The following SGCD variants were observed in gnomAD, a reference collection of about 807,000 sequenced individuals.
SGCD encodes delta-sarcoglycan.
SGCD carries 18 observed loss-of-function variants against 36.6 expected under a neutral mutation model. That is an observed-to-expected ratio of 0.49 (90% CI 0.34 to 0.73). The LOEUF (loss-of-function observed/expected upper bound fraction) is 0.73, where lower values mean the gene tolerates loss of function less well. SGCD is among the 30% of genes least tolerant of loss of function. SGCD has a pLI of 0.01. For synonymous variants in SGCD, 133 were observed against 130.6 expected (o/e 1.02, Z -0.12); for missense variants, 387 against 346.7 (o/e 1.12, Z -0.92).
chr5:155,820,737 C>T, the SGCD span, among the ~76,000 whole-genome samples: 16 of 152,024 alleles, frequency 1.1e-4, no homozygotes, highest in Admixed American at 2.6e-4. Flanking sequence ...TATGTGACTG[C>T]GCTTTGTGAC....
intron 1 of SGCD, among the ~76,000 whole-genome samples, chr5:156,063,415 G>A (rs372086507): frequency 5.2e-5 from 5 of 95,492 alleles, no homozygotes; most frequent in Non-Finnish European, 1.0e-4. Flanking sequence ...TTGGCAATGC[G>A]GGCTCTTTTT....
chr5:156,116,632 A>G (rs1449369131), intron 1 of SGCD, among the ~76,000 whole-genome samples: 1 of 152,146 alleles, frequency 6.6e-6, no homozygotes, highest in Non-Finnish European at 1.5e-5. Context: ...AAAGTGTAAC[A>G]CAGTGATTGG....
At chr5:156,417,300 AGG>A (rs1554101549) in intron 3 of SGCD, among the ~76,000 whole-genome samples, 1 of 152,204 alleles carries the variant, frequency 6.6e-6, no homozygotes, top group Non-Finnish European at 1.5e-5. Flanking sequence ...TCAAGCAATA[AGG>A]CTGTTGCATA....
At chr5:156,116,370 A>C (rs568135135) in intron 1 of SGCD, among the ~76,000 whole-genome samples, 1 of 152,142 alleles carries the variant, frequency 6.6e-6, no homozygotes, top group Non-Finnish European at 1.5e-5. Flanking sequence ...CCAAGCTCAC[A>C]GACTATGCAC....
intron 3 of SGCD, among the ~76,000 whole-genome samples, chr5:156,309,312 T>G (rs560150229): frequency 3.3e-5 from 5 of 152,272 alleles, no homozygotes; most frequent in Admixed American, 1.3e-4. Flanking sequence ...TCCCTTAGGT[T>G]CTGTTGACAT....
At chr5:156,059,745 A>G (rs1447967077) in intron 1 of SGCD, among the ~76,000 whole-genome samples, 1 of 147,054 alleles carries the variant, frequency 6.8e-6, no homozygotes, top group East Asian at 1.9e-4. Context: ...TTGGTAGTAT[A>G]GTACCTGGAA....
chr5:156,687,725 A>C (rs1321674103), intron 7 of SGCD, among the ~76,000 whole-genome samples: 1 of 152,172 alleles, frequency 6.6e-6, no homozygotes, highest in Non-Finnish European at 1.5e-5. Context: ...AGCTGTGCTG[A>C]TATGAACCCA....
At chr5:156,306,409 T>C (rs1168955072) in intron 3 of SGCD, among the ~76,000 whole-genome samples, 2 of 152,228 alleles carry the variant, frequency 1.3e-5, no homozygotes, top group Non-Finnish European at 1.5e-5. Context: ...CCTTCTGCTG[T>C]GATTGTGGGG....
chr5:155,946,889 T>C (rs1465151293), intron 1 of SGCD, among the ~76,000 whole-genome samples: 1 of 152,196 alleles, frequency 6.6e-6, no homozygotes, highest in Non-Finnish European at 1.5e-5. Flanking sequence ...GTATGGACTC[T>C]GAGAATATTG....
intron 1 of SGCD, among the ~76,000 whole-genome samples, chr5:156,112,801 C>T (rs1038091371): frequency 6.6e-6 from 1 of 152,158 alleles, no homozygotes; most frequent in Non-Finnish European, 1.5e-5. Flanking sequence ...TGACAGCTTT[C>T]CCCTCCATAC....
chr5:155,943,525 G>A (rs1458794076), intron 1 of SGCD, among the ~76,000 whole-genome samples: 1 of 152,018 alleles, frequency 6.6e-6, no homozygotes, highest in African/African-American at 2.4e-5. Context: ...TGTTATCAAT[G>A]GACTGTAATA....
At chr5:156,611,725 G>A (rs558018480) in intron 6 of SGCD, among the ~76,000 whole-genome samples, 6 of 152,188 alleles carry the variant, frequency 3.9e-5, no homozygotes, top group South Asian at 4.1e-4. Flanking sequence ...GCAAACATTC[G>A]TTAACTTAAT....
intron 3 of SGCD, among the ~76,000 whole-genome samples, chr5:156,276,696 C>T (rs191916454): frequency 2.2e-3 from 334 of 152,224 alleles, no homozygotes; most frequent in Non-Finnish European, 3.4e-3. Flanking sequence ...GAAACATGGT[C>T]TCTGCATTCA....
intron 6 of SGCD, among the ~76,000 whole-genome samples, chr5:156,605,669 T>C (rs906311107): frequency 4.6e-5 from 7 of 152,200 alleles, no homozygotes; most frequent in Non-Finnish European, 8.8e-5. Flanking sequence ...CCACCAACAG[T>C]GTAAAAGTGT....
chr5:156,508,394 T>A (rs1408305595), intron 3 of SGCD, among the ~76,000 whole-genome samples: 2 of 152,170 alleles, frequency 1.3e-5, no homozygotes, highest in African/African-American at 2.4e-5. Flanking sequence ...GGAATAGAAT[T>A]TTCTCAGAAA....
At position 156,759,453 on chromosome 5, in the gene SGCD, T is replaced by C; in HGVS notation, c.*63T>C. 1 of 1,173,132 alleles carries C rather than the reference T, an allele frequency of 8.5e-7. No individual in the cohort carries two copies. The highest frequency in any genetic ancestry group is 1.2e-6 in the Non-Finnish European group (1 of 826,442). The allele number at this position is 1,173,132 out of a possible 1,614,324, so 72.7% of individuals were successfully genotyped here. On this transcript the variant is annotated 3_prime_UTR_variant, in exon 9 of 9. Coordinates refer to ENST00000337851, the MANE Select transcript of SGCD (RefSeq NM_000337.6). ...GCCTTTTTTGGCTTTAGACACTGGCTGCCAGCTATTTTTACTAGAACACAG... is the reference window on the plus strand; with the variant it reads ...GCCTTTTTTGGCTTTAGACACTGGCCGCCAGCTATTTTTACTAGAACACAG...
intron 7 of SGCD, among the ~76,000 whole-genome samples, chr5:156,693,739 C>T (rs1468749260): frequency 2.0e-5 from 3 of 152,112 alleles, no homozygotes; most frequent in African/African-American, 7.2e-5. Flanking sequence ...TAGATTGTAT[C>T]ACAAATTGCA....
intron 3 of SGCD, among the ~76,000 whole-genome samples, chr5:156,287,000 A>T (rs144178753): frequency 6.6e-6 from 1 of 152,238 alleles, no homozygotes; most frequent in African/African-American, 2.4e-5. Flanking sequence ...TGTGAATAAG[A>T]GAGACAAAAA....
chr5:156,501,914 T>G (rs759481716), intron 3 of SGCD, among the ~76,000 whole-genome samples: 3 of 152,198 alleles, frequency 2.0e-5, no homozygotes, highest in Non-Finnish European at 4.4e-5. Context: ...GCTATCCCCC[T>G]ATTGGGCTAC....
Sources: allele counts gnomAD v4.1 joint callset (sites outside exome capture counted in the v4.1 genomes callset), GRCh38; gene constraint gnomAD v4.1.1; transcripts MANE v1.5; gene names NCBI Gene and HGNC (gene_info 2026-07-23, HGNC 2026-07-21).